The following CCSER1 variants were observed in gnomAD, a reference collection of about 807,000 sequenced individuals.
The protein encoded by CCSER1 is serine-rich coiled-coil domain-containing protein 1.
Under a neutral mutation model 82.0 loss-of-function variants are expected in CCSER1, and 41 were observed. That is an observed-to-expected ratio of 0.50 (90% confidence interval 0.39 to 0.65). The LOEUF (loss-of-function observed/expected upper bound fraction) is 0.65. Ranked by LOEUF, CCSER1 falls within the 30% of genes least tolerant of loss-of-function variation. CCSER1 has a pLI of 0.00. For synonymous variants in CCSER1, 414 were observed against 383.9 expected (o/e 1.08, Z -0.92); for missense variants, 1,119 against 1,064.2 (o/e 1.05, Z -0.72).
At chr4:90,456,452 G>C (rs1197762627) in intron 4 of CCSER1, among the ~76,000 whole-genome samples, 1 of 152,194 alleles carries the variant, frequency 6.6e-6, no homozygotes, top group African/African-American at 2.4e-5. Flanking sequence ...GGAGGTCCTA[G>C]TGCTGACACC....
At chr4:90,902,293 A>T (rs931158556) in intron 8 of CCSER1, among the ~76,000 whole-genome samples, 3 of 151,944 alleles carry the variant, frequency 2.0e-5, no homozygotes, top group African/African-American at 7.2e-5. Flanking sequence ...ATGTCATTTT[A>T]GATTTTTAAT....
chr4:90,479,140 A>T (rs1356347879), intron 5 of CCSER1, among the ~76,000 whole-genome samples: 1 of 151,784 alleles, frequency 6.6e-6, no homozygotes, highest in Non-Finnish European at 1.5e-5. Context: ...AGTCTTTTGT[A>T]ATCTAAAAAA....
At chr4:90,974,347 A>G (rs1016179527) in intron 9 of CCSER1, among the ~76,000 whole-genome samples, 3 of 145,400 alleles carry the variant, frequency 2.1e-5, no homozygotes, top group African/African-American at 5.6e-5. Flanking sequence ...TACATATCTC[A>G]AAACATTACA....
intron 1 of CCSER1, among the ~76,000 whole-genome samples, chr4:90,293,955 A>G (rs76143624): frequency 0.032 from 4,805 of 152,124 alleles, 200 homozygotes; most frequent in African/African-American, 0.096. Flanking sequence ...TATTGTTTGT[A>G]ATATGGAAAT....
At chr4:90,740,428 A>C (rs994788321) in intron 7 of CCSER1, among the ~76,000 whole-genome samples, 2 of 152,222 alleles carry the variant, frequency 1.3e-5, no homozygotes, top group African/African-American at 4.8e-5. Flanking sequence ...TTTTACATAA[A>C]TTAAAGTCAA....
chr4:91,327,100 C>T (rs376686167), intron 10 of CCSER1, among the ~76,000 whole-genome samples: 1 of 152,284 alleles, frequency 6.6e-6, no homozygotes, highest in South Asian at 2.1e-4. Flanking sequence ...ATATGGTGGC[C>T]CTCTTCTCAC....
chr4:90,815,800 G>A lies in CCSER1; in HGVS notation c.2049G>A (p.Gln683=), dbSNP rs1758935762. Residue 683 remains glutamine, a synonymous_variant, in exon 8 of 11, where the codon CAG becomes CAA. Transcript: ENST00000509176. ...ATGAATGCTCGATGCTCAAGCTGCA[G>A]CTGAAAGAGAAGGATGAACTCATTT... ...MKDECSMLKL[Q]LKEKDELISQ... is the part of the protein sequence containing the mutation. 3.9e-6 allele frequency: 6 copies of A among 1,551,208 alleles called. No homozygotes were observed. Among genetic ancestry groups the A allele is most frequent in the South Asian group, 1.2e-5 (1 of 84,018 alleles).
chr4:90,229,114 A>G (rs1743884380), intron 1 of CCSER1, among the ~76,000 whole-genome samples: 1 of 152,224 alleles, frequency 6.6e-6, no homozygotes, highest in Non-Finnish European at 1.5e-5. Context: ...TCAGAAATAC[A>G]GAGAACGCCA....
chr4:91,080,641 A>G (rs1437596020), intron 9 of CCSER1, among the ~76,000 whole-genome samples: 7 of 152,186 alleles, frequency 4.6e-5, no homozygotes, highest in Admixed American at 3.9e-4. Flanking sequence ...GGTTTTCTGA[A>G]AAGATCAACA....
chr4:90,828,269 T>G (rs888188688), intron 8 of CCSER1, among the ~76,000 whole-genome samples: 3 of 152,198 alleles, frequency 2.0e-5, no homozygotes, highest in Admixed American at 6.5e-5. Flanking sequence ...CTCTTTCAGC[T>G]GAGAAAGCAA....
intron 5 of CCSER1, among the ~76,000 whole-genome samples, chr4:90,566,625 C>T (rs1779416553): frequency 7.0e-6 from 1 of 141,884 alleles, no homozygotes; most frequent in Non-Finnish European, 1.5e-5. Flanking sequence ...TTTTTTAAGA[C>T]GGAGTCTCGC....
intron 10 of CCSER1, among the ~76,000 whole-genome samples, chr4:91,092,026 A>G (rs949429345): frequency 6.6e-5 from 10 of 152,174 alleles, no homozygotes; most frequent in African/African-American, 2.4e-4. Context: ...AATGTTTCAT[A>G]AGGGGAGTAT....
At chr4:91,495,389 T>C (rs1365527528) in intron 10 of CCSER1, among the ~76,000 whole-genome samples, 1 of 151,674 alleles carries the variant, frequency 6.6e-6, no homozygotes, top group Non-Finnish European at 1.5e-5. Flanking sequence ...TTGATGCTTC[T>C]GGTTCTAGTA....
At chr4:91,395,297 G>A (rs940933793) in intron 10 of CCSER1, among the ~76,000 whole-genome samples, 13 of 152,126 alleles carry the variant, frequency 8.5e-5, no homozygotes, top group Admixed American at 7.9e-4. Flanking sequence ...TCACTTTGTA[G>A]TACACCATCA....
At chr4:91,408,855 A>G (rs776546661) in intron 10 of CCSER1, among the ~76,000 whole-genome samples, 31 of 152,216 alleles carry the variant, frequency 2.0e-4, no homozygotes, top group Non-Finnish European at 4.0e-4. Context: ...CTTTAAGATT[A>G]GATATGATGA....
intron 3 of CCSER1, among the ~76,000 whole-genome samples, chr4:90,353,697 A>G (rs1210510075): frequency 6.6e-6 from 1 of 152,192 alleles, no homozygotes; most frequent in African/African-American, 2.4e-5. Context: ...TTGGAACAAT[A>G]GGAGTCTTTC....
At chr4:90,548,948 G>T (rs539717144) in intron 5 of CCSER1, among the ~76,000 whole-genome samples, 44 of 152,084 alleles carry the variant, frequency 2.9e-4, no homozygotes, top group Non-Finnish European at 4.9e-4. Flanking sequence ...GATTGAGTTG[G>T]TTTGTTCTGG....
intron 6 of CCSER1, among the ~76,000 whole-genome samples, chr4:90,713,577 AT>A (rs569162442): frequency 3.0e-4 from 44 of 147,896 alleles, no homozygotes; most frequent in Admixed American, 4.7e-4. Context: ...CCCTTAACCT[AT>A]TTTTTTTTAT....
chr4:91,454,989 G>C lies in CCSER1; in HGVS notation c.2218-143583G>C, dbSNP rs4260504. Reference sequence around the variant, plus strand: ...TTTGTTTAAATTCTAATTTTAAGGAGACTATTTGCCAGTGATTTCTATTTT... The same window carrying C: ...TTTGTTTAAATTCTAATTTTAAGGACACTATTTGCCAGTGATTTCTATTTT... On this transcript the variant is annotated intron_variant, in intron 10 of 10. Coordinates refer to ENST00000509176, the MANE Select transcript of CCSER1 (RefSeq NM_001145065.2). 8.2e-3 allele frequency among the ~76,000 whole-genome samples: 1,249 copies of C among 152,146 alleles called. 17 individuals carry two copies. Among genetic ancestry groups the C allele is most frequent in the African/African-American group, 0.028 (1,178 of 41,524 alleles).
Sources: allele counts gnomAD v4.1 joint callset (sites outside exome capture counted in the v4.1 genomes callset), GRCh38; gene constraint gnomAD v4.1.1; transcripts MANE v1.5; gene names NCBI Gene and HGNC (gene_info 2026-07-23, HGNC 2026-07-21).